ANKFN1: variants seen among roughly 807,000 people sequenced by gnomAD.
The protein encoded by ANKFN1 is ankyrin repeat and fibronectin type III domain containing 1.
Under a neutral mutation model 108.7 loss-of-function variants are expected in ANKFN1, and 74 were observed. The observed-to-expected ratio is 0.68, with a 90% CI of 0.56 to 0.83. ANKFN1 has a LOEUF of 0.83. Ranked by LOEUF, ANKFN1 falls within the 40% of genes least tolerant of loss-of-function variation. ANKFN1 has a pLI of 0.00. For missense variants in ANKFN1, 1,505 were observed against 1,382.3 expected (o/e 1.09, Z -1.41); for synonymous variants, 547 against 516.2 (o/e 1.06, Z -0.81).
At chr17:56,138,326 C>A (rs1907710305) in intron 4 of ANKFN1, among the ~76,000 whole-genome samples, 1 of 152,002 alleles carries the variant, frequency 6.6e-6, no homozygotes, top group African/African-American at 2.4e-5. Context: ...AGTATTAGTG[C>A]CAGTTATTTG....
intron 3 of ANKFN1, among the ~76,000 whole-genome samples, chr17:56,287,963 C>T (rs2044261858): frequency 6.6e-6 from 1 of 152,052 alleles, no homozygotes; most frequent in African/African-American, 2.4e-5. Context: ...ATTGCCAGGC[C>T]TTCAGTAAGT....
chr17:56,167,318 C>CACATATAT (rs1461054331), intron 1 of ANKFN1, among the ~76,000 whole-genome samples: 135 of 133,236 alleles, frequency 1.0e-3, no homozygotes, highest in African/African-American at 3.5e-3. Context: ...CACACACACA[C>CACATATAT]ATATATATAT....
intron 3 of ANKFN1, among the ~76,000 whole-genome samples, chr17:56,237,241 C>T (rs1917222602): frequency 6.6e-6 from 1 of 152,056 alleles, no homozygotes; most frequent in African/African-American, 2.4e-5. Context: ...GTGTCTCTAC[C>T]AAGTTTTAGT....
chr17:56,354,106 C>A, intron 6 of ANKFN1, 60 bp downstream of exon 6: 3 of 1,508,742 alleles, frequency 2.0e-6, no homozygotes, highest in Non-Finnish European at 1.8e-6. Flanking sequence ...CTTATGCCAC[C>A]AAAATAGCCA....
chr17:56,344,768 G>C (rs144427811), intron 4 of ANKFN1, among the ~76,000 whole-genome samples: 230 of 152,110 alleles, frequency 1.5e-3, no homozygotes, highest in Admixed American at 2.8e-3. Context: ...AAAACCCCCA[G>C]ACAGATGAAA....
rs143623822 is a variant in ANKFN1, at chr17:56,153,513, G to A, written c.-88G>A. The A allele has an allele frequency of 1.4e-5, 22 of 1,614,100 alleles. No individual in the cohort carries two copies. Among genetic ancestry groups the A allele is most frequent in the Non-Finnish European group, 1.8e-5 (21 of 1,179,954 alleles). On this transcript the variant is annotated 5_prime_UTR_variant, in exon 1 of 21. Coordinates refer to ENST00000682825, the MANE Select transcript of ANKFN1 (RefSeq NM_001370326.1). ...AGAGCTCAGTCCTGTGTCTCTCATG[G>A]AGGCGTCTCTAACCAGGGTAGGAAA...
chr17:56,113,587 A>G (rs554400447), intron 4 of ANKFN1, among the ~76,000 whole-genome samples: 69 of 152,302 alleles, frequency 4.5e-4, no homozygotes, highest in Non-Finnish European at 2.5e-4. Flanking sequence ...GTATCTCAAC[A>G]TTCTCATCCG....
intron 15 of ANKFN1, among the ~76,000 whole-genome samples, chr17:56,467,743 CAAAGAAAGAAAGAAAGAAAG>C (rs759980897): frequency 2.8e-5 from 2 of 72,624 alleles, no homozygotes; most frequent in East Asian, 4.1e-4. Flanking sequence ...AAGAAAGAAA[CAAAGAAAGAAAGAAAGAAAG>C]AAAGAAAGAA....
At chr17:56,432,017 C>A (rs1010224617) in intron 8 of ANKFN1, among the ~76,000 whole-genome samples, 9 of 152,180 alleles carry the variant, frequency 5.9e-5, no homozygotes, top group Admixed American at 1.3e-4. Context: ...GGAAACATCT[C>A]CAGGAGAGCT....
chr17:56,292,355 T>A (rs902411028), intron 3 of ANKFN1, among the ~76,000 whole-genome samples: 4 of 152,134 alleles, frequency 2.6e-5, no homozygotes, highest in African/African-American at 9.7e-5. Flanking sequence ...CCAGAAGTGA[T>A]GAGATCAAAA....
upstream of ANKFN1, among the ~76,000 whole-genome samples, chr17:56,152,419 T>G (rs1908713316): frequency 6.6e-6 from 1 of 152,086 alleles, no homozygotes; most frequent in South Asian, 2.1e-4. Context: ...TGTCTTTTTT[T>G]TTCCTATTGT....
intron 8 of ANKFN1, among the ~76,000 whole-genome samples, chr17:56,415,696 T>C (rs139584291): frequency 0.021 from 3,220 of 152,078 alleles, 116 homozygotes; most frequent in African/African-American, 0.072. Context: ...ACATTCTTCA[T>C]AGAAATAGAA....
chr17:56,294,193 C>T (rs2044445492), intron 3 of ANKFN1, among the ~76,000 whole-genome samples: 1 of 152,182 alleles, frequency 6.6e-6, no homozygotes, highest in South Asian at 2.1e-4. Context: ...TCAAACCAAA[C>T]ACTAGACTTG....
chr17:56,399,843 T>TTTTATA (rs1371574477), intron 8 of ANKFN1, among the ~76,000 whole-genome samples: 3 of 64,762 alleles, frequency 4.6e-5, no homozygotes, highest in Non-Finnish European at 1.5e-4. Context: ...ATTCCATTTT[T>TTTTATA]TATATATATA....
chr17:56,417,456 G>T (rs747310389), intron 8 of ANKFN1, among the ~76,000 whole-genome samples: 3 of 152,190 alleles, frequency 2.0e-5, no homozygotes, highest in Admixed American at 1.3e-4. Context: ...CTCAAGCAGG[G>T]TGACTTAAGA....
intron 1 of ANKFN1, among the ~76,000 whole-genome samples, chr17:56,208,895 T>A (rs4793805): frequency 0.71 from 107,991 of 151,460 alleles, 38,997 homozygotes; most frequent in East Asian, 0.94. Flanking sequence ...TATTATTATT[T>A]TTTTTTAAGA....
At chr17:56,179,428 T>TGCAGTAC (rs1455768737) in intron 1 of ANKFN1, among the ~76,000 whole-genome samples, 1 of 152,202 alleles carries the variant, frequency 6.6e-6, no homozygotes, top group African/African-American at 2.4e-5. Flanking sequence ...CTGTTTGAAA[T>TGCAGTAC]GCAGTACTCC....
At chr17:56,391,847 T>C (rs923425088) in intron 8 of ANKFN1, among the ~76,000 whole-genome samples, 1 of 152,212 alleles carries the variant, frequency 6.6e-6, no homozygotes, top group Admixed American at 6.5e-5. Context: ...TAAGCCATAA[T>C]GTTTTGTTCA....
At chr17:56,305,726 C>T (rs544164093) in intron 3 of ANKFN1, among the ~76,000 whole-genome samples, 1 of 151,866 alleles carries the variant, frequency 6.6e-6, no homozygotes, top group African/African-American at 2.4e-5. Context: ...AGTACTAGAC[C>T]CTGAAGATAT....
Sources: gnomAD v4.1 joint callset for allele counts (sites outside exome capture counted in the v4.1 genomes callset) on GRCh38, gnomAD v4.1.1 for gene constraint, MANE v1.5 for transcripts, NCBI Gene and HGNC (gene_info 2026-07-23, HGNC 2026-07-21) for gene names.